Variants in MYO18B observed in about 807,000 individuals in gnomAD.
MYO18B encodes unconventional myosin-XVIIIb.
In MYO18B, 204 loss-of-function variants were observed where a neutral mutation model predicts 273.0. The observed-to-expected ratio is 0.75, with a 90% CI of 0.67 to 0.84. MYO18B has a LOEUF of 0.84. MYO18B is among the 40% of genes least tolerant of loss of function. The pLI is 0.00. For missense variants in MYO18B, 3,212 were observed against 3,287.6 expected (o/e 0.98, Z 0.56); for synonymous variants, 1,330 against 1,305.7 (o/e 1.02, Z -0.40).
rs752665281 is a variant in MYO18B, at chr22:25,848,582, TG to T, written c.3775+933del. ...TCACCAGGTCCACCTGGGGAGATGA[TG>T]GGCTGGCAGGGGGATGGGGGGATTC... On this transcript the variant is annotated intron_variant, in intron 20 of 43. Transcript: ENST00000335473. Among the ~76,000 whole-genome samples, 247 of 152,240 alleles carry T rather than the reference TG, an allele frequency of 1.6e-3. 4 individuals carry two copies. Among genetic ancestry groups the T allele is most frequent in the Non-Finnish European group, 1.8e-3 (121 of 68,004 alleles).
intron 12 of MYO18B, among the ~76,000 whole-genome samples, chr22:25,819,335 C>T (rs2089176799): frequency 1.3e-5 from 2 of 152,154 alleles, no homozygotes; most frequent in African/African-American, 4.8e-5. Flanking sequence ...ATGACTTCTC[C>T]CAGCTCGTTG....
At chr22:25,977,853 T>A (rs1268440889) in intron 39 of MYO18B, among the ~76,000 whole-genome samples, 2 of 152,216 alleles carry the variant, frequency 1.3e-5, no homozygotes, top group African/African-American at 2.4e-5. Context: ...CTGTTATTAT[T>A]TCCACTTTGC....
chr22:25,868,825 A>G (rs2090965620), intron 22 of MYO18B, among the ~76,000 whole-genome samples: 1 of 152,214 alleles, frequency 6.6e-6, no homozygotes, highest in Non-Finnish European at 1.5e-5. Context: ...CTTGAGAGGA[A>G]AGCCCGTGAT....
In MYO18B at chr22:25,777,824, G is replaced by A. The variant is rs114841099; in HGVS notation, c.2068+43G>A. 7.6e-4 allele frequency: 1,154 copies of A among 1,513,702 alleles called. 14 individuals carry two copies. The African/African-American group carries it at 0.014, about 18-fold the overall frequency. 93.8% of individuals were successfully genotyped at this position (1,513,702 alleles called of 1,614,324 possible). ...TGACATGGAGAGTTGGGGTCAGCACGGGGAGAGTTGGAAGGGGATGCTGAG... is the reference window on the plus strand; with the variant it reads ...TGACATGGAGAGTTGGGGTCAGCACAGGGAGAGTTGGAAGGGGATGCTGAG... On this transcript the variant is annotated intron_variant, in intron 8 of 43. Transcript: ENST00000335473.
the MYO18B span, among the ~76,000 whole-genome samples, chr22:26,040,441 G>A: frequency 6.6e-6 from 1 of 152,238 alleles, no homozygotes. Flanking sequence ...GATAATTCAC[G>A]TTCTCCTGCA....
In MYO18B at chr22:25,772,284, G is replaced by GGGCCAGAA. The variant is rs763373490; in HGVS notation, c.1693-34_1693-27dup. 5.0e-5 allele frequency: 78 copies of GGGCCAGAA among 1,572,480 alleles called. No individual in the cohort carries two copies. The African/African-American group carries it at 6.3e-4, about 13-fold the overall frequency. On this transcript the variant is annotated intron_variant, in intron 6 of 43. Transcript: ENST00000335473. Reference sequence around the variant, plus strand: ...TGCGGGGGGGTGGGGTGGGGGCAGGGGGCCAGAAGGCCAGAAGGCCAGAGG... The same window carrying GGGCCAGAA: ...TGCGGGGGGGTGGGGTGGGGGCAGGGGGCCAGAAGGCCAGAAGGCCAGAAGGCCAGAGG...
At chr22:25,848,765 T>G (rs2090334034) in intron 20 of MYO18B, among the ~76,000 whole-genome samples, 1 of 152,218 alleles carries the variant, frequency 6.6e-6, no homozygotes, top group Non-Finnish European at 1.5e-5. Context: ...GACTCCCCTC[T>G]CTGACAGTTA....
intron 19 of MYO18B, 102 bp downstream of exon 19, chr22:25,846,385 C>A: frequency 7.5e-7 from 1 of 1,329,192 alleles, no homozygotes. Flanking sequence ...ACCTCCCCAG[C>A]AAGGCCAGAG....
chr22:25,843,076 A>G (rs897798223), intron 17 of MYO18B, among the ~76,000 whole-genome samples: 1 of 152,140 alleles, frequency 6.6e-6, no homozygotes, highest in Non-Finnish European at 1.5e-5. Flanking sequence ...CATTTTACAG[A>G]CGAGGAAACT....
intron 39 of MYO18B, among the ~76,000 whole-genome samples, chr22:25,956,025 A>T (rs1406539559): frequency 6.6e-6 from 1 of 152,140 alleles, no homozygotes; most frequent in Non-Finnish European, 1.5e-5. Context: ...TGCTATCTTG[A>T]TGTCCCTTAA....
At chr22:26,039,975 A>G in the MYO18B span, among the ~76,000 whole-genome samples, 4 of 152,234 alleles carry the variant, frequency 2.6e-5, no homozygotes, top group South Asian at 6.2e-4. Context: ...CAGGTGCATG[A>G]TACCAACTCT....
intron 12 of MYO18B, among the ~76,000 whole-genome samples, chr22:25,800,248 G>A (rs185382186): frequency 2.0e-5 from 3 of 152,186 alleles, no homozygotes; most frequent in African/African-American, 2.4e-5. Flanking sequence ...CACCGCTAGG[G>A]GGGTTGGGTA....
At chr22:25,903,583 G>A in intron 30 of MYO18B, 48 bp from the exon 31 acceptor site, 1 of 1,543,826 alleles carries the variant, frequency 6.5e-7, no homozygotes, top group East Asian at 2.4e-5. Flanking sequence ...GGGGAGGAGG[G>A]AGGCATACTC....
At chr22:25,940,937 G>T (rs990481880) in intron 34 of MYO18B, among the ~76,000 whole-genome samples, 1 of 152,176 alleles carries the variant, frequency 6.6e-6, no homozygotes, top group East Asian at 1.9e-4. Context: ...GAAGCCCTCC[G>T]TAGATGCCTG....
chr22:25,922,244 C>T (rs541755581), intron 34 of MYO18B, among the ~76,000 whole-genome samples: 24 of 152,220 alleles, frequency 1.6e-4, no homozygotes, highest in African/African-American at 4.1e-4. Flanking sequence ...ATCCTTGGGC[C>T]GACTCAAAGG....
At chr22:25,882,421 A>T (rs1283479634) in intron 25 of MYO18B, among the ~76,000 whole-genome samples, 1 of 152,084 alleles carries the variant, frequency 6.6e-6, no homozygotes, top group African/African-American at 2.4e-5. Context: ...TTGAGGTGTT[A>T]GGGAAATTTA....
intron 21 of MYO18B, among the ~76,000 whole-genome samples, chr22:25,861,219 T>C (rs2090725321): frequency 6.6e-6 from 1 of 152,144 alleles, no homozygotes; most frequent in Non-Finnish European, 1.5e-5. Flanking sequence ...TTCTGTAAAT[T>C]ATTGAGAGTC....
chr22:25,885,972 T>C (rs1275422321), intron 25 of MYO18B, among the ~76,000 whole-genome samples: 1 of 152,210 alleles, frequency 6.6e-6, no homozygotes, highest in Non-Finnish European at 1.5e-5. Context: ...CATGTATGAA[T>C]TGCTGTCATG....
intron 16 of MYO18B, 72 bp from the exon 17 acceptor site, chr22:25,835,224 T>C: frequency 6.6e-7 from 1 of 1,517,046 alleles, no homozygotes; most frequent in Non-Finnish European, 8.8e-7. Flanking sequence ...TCCCTATCGG[T>C]GGGAAGAGAA....
Sources: gnomAD v4.1 joint callset for allele counts (sites outside exome capture counted in the v4.1 genomes callset) on GRCh38, gnomAD v4.1.1 for gene constraint, MANE v1.5 for transcripts, NCBI Gene and HGNC (gene_info 2026-07-23, HGNC 2026-07-21) for gene names.